MEF2C: variants seen among roughly 807,000 people sequenced by gnomAD.
The protein encoded by MEF2C is myocyte-specific enhancer factor 2C.
A neutral mutation model predicts 50.5 loss-of-function variants in MEF2C; 6 were observed. The observed-to-expected ratio is 0.12, with a 90% CI of 0.07 to 0.23. MEF2C has a LOEUF of 0.23. Among genes scored for constraint, MEF2C ranks in the 10% least tolerant of loss-of-function variants. The pLI, the probability that MEF2C is intolerant of heterozygous loss-of-function variation, is 1.00. For missense variants in MEF2C, 276 were observed against 605.0 expected (o/e 0.46, Z 5.70); for synonymous variants, 183 against 228.0 (o/e 0.80, Z 1.78).
chr5:88,841,560 A>T (rs970683431), intron 1 of MEF2C, among the ~76,000 whole-genome samples: 6 of 151,706 alleles, frequency 4.0e-5, no homozygotes, highest in Non-Finnish European at 7.4e-5. Context: ...AAATGATCTT[A>T]GGCTTTAGTC....
chr5:88,875,508 A>G (rs1181830841), intron 1 of MEF2C, among the ~76,000 whole-genome samples: 1 of 151,914 alleles, frequency 6.6e-6, no homozygotes, highest in African/African-American at 2.4e-5. Context: ...TCGAAACAAA[A>G]AGTACAGATA....
upstream of MEF2C, chr5:88,887,384 T>C (rs146818822): frequency 5.9e-5 from 9 of 152,354 alleles, no homozygotes; most frequent in African/African-American, 2.2e-4. Flanking sequence ...GGTGGTCATT[T>C]AACTCTTTAT....
At position 88,735,139 on chromosome 5, in the gene MEF2C, G is replaced by A. The variant is rs186639702; in HGVS notation, c.638-3238C>T. 4,944 of 985,318 alleles carry A rather than the reference G, an allele frequency of 5.0e-3. 12 individuals carry two copies. The highest frequency in any genetic ancestry group is 5.6e-3 in the Non-Finnish European group (4,666 of 829,906). The allele number at this position is 985,318 out of a possible 1,614,324, so 61.0% of individuals were successfully genotyped here. On this transcript the variant is annotated intron_variant, in intron 6 of 10. Transcript: ENST00000504921. Reference sequence around the variant, plus strand: ...TTGAAAATCAATGATGAATACATGCGTGTGGTTTACTGCTAAGAAGAGCCT... The same window carrying A: ...TTGAAAATCAATGATGAATACATGCATGTGGTTTACTGCTAAGAAGAGCCT...
chr5:88,761,792 G>A, intron 3 of MEF2C: 2 of 163,036 alleles, frequency 1.2e-5, no homozygotes, highest in Non-Finnish European at 2.6e-5. Flanking sequence ...GGCATTAGTG[G>A]TGTCCTGTCC....
intron 1 of MEF2C, among the ~76,000 whole-genome samples, chr5:88,874,079 G>A (rs929724269): frequency 5.9e-5 from 9 of 151,760 alleles, no homozygotes; most frequent in African/African-American, 2.2e-4. Context: ...ATGAAAATCC[G>A]GTACCTTAAA....
chr5:88,815,312 C>T (rs1412336591), intron 2 of MEF2C, among the ~76,000 whole-genome samples: 1 of 152,046 alleles, frequency 6.6e-6, no homozygotes, highest in Non-Finnish European at 1.5e-5. Flanking sequence ...CCACAATAGC[C>T]TAGGTTTTAC....
chr5:88,817,594 A>C (rs1806095254), intron 2 of MEF2C, among the ~76,000 whole-genome samples: 2 of 151,966 alleles, frequency 1.3e-5, no homozygotes, highest in Non-Finnish European at 2.9e-5. Flanking sequence ...AATTGTCTTT[A>C]GTTTGTGCTC....
intron 3 of MEF2C, among the ~76,000 whole-genome samples, chr5:88,796,634 A>T (rs1796141222): frequency 6.6e-6 from 1 of 151,992 alleles, no homozygotes; most frequent in African/African-American, 2.4e-5. Context: ...TATCTCCTTC[A>T]GTTCGGCTCT....
At position 88,736,386 on chromosome 5, in the gene MEF2C, C is replaced by T. The variant is rs1250090722; in HGVS notation, c.638-4485G>A. 3.8e-5 allele frequency among the ~76,000 whole-genome samples: 2 copies of T among 52,882 alleles called. 1 individual carries two copies. The highest frequency in any genetic ancestry group is 1.0e-4 in the African/African-American group (2 of 19,692). The allele number at this position is 52,882 out of a possible 152,430, so 34.7% of individuals were successfully genotyped here. On this transcript the variant is annotated intron_variant, in intron 6 of 10. Transcript: ENST00000504921. ...GCGGGCGCCTGTAGTCCCAGCTACT[C>T]GGGAGGCTGAGGCAGGAGAATGGCG...
rs188222047 is a variant in MEF2C at position 88,762,504 on chromosome 5, G to A, written c.259-1176C>T. Reference sequence around the variant, plus strand: ...GTTGGTCTCAAATTCCTTGCCTCATGTGATCTGCCTGCCTCAGCCTCCCAA... The same window carrying A: ...GTTGGTCTCAAATTCCTTGCCTCATATGATCTGCCTGCCTCAGCCTCCCAA... On this transcript the variant is annotated intron_variant, in intron 3 of 10. Transcript: ENST00000504921. Among the ~76,000 whole-genome samples, 400 of 152,216 alleles carry A rather than the reference G, an allele frequency of 2.6e-3. 1 individual carries two copies. The highest frequency in any genetic ancestry group is 4.0e-3 in the Non-Finnish European group (269 of 68,016).
chr5:88,827,999 G>A (rs747780123), intron 1 of MEF2C, among the ~76,000 whole-genome samples: 19 of 150,970 alleles, frequency 1.3e-4, no homozygotes, highest in Non-Finnish European at 2.4e-4. Flanking sequence ...ATTCAAACTA[G>A]GAACCAAAGT....
chr5:88,743,042 T>G, intron 6 of MEF2C: 1 of 972,804 alleles, frequency 1.0e-6, no homozygotes, highest in Non-Finnish European at 1.2e-6. Context: ...GAATTCAGAA[T>G]TTTTAATTCA....
intron 1 of MEF2C, among the ~76,000 whole-genome samples, chr5:88,865,156 C>T (rs1056710140): frequency 1.5e-4 from 23 of 152,160 alleles, no homozygotes; most frequent in Admixed American, 4.6e-4. Flanking sequence ...CTCAGTGTCC[C>T]GAGTAGTTAG....
At chr5:88,870,875 T>G (rs1029065559) in intron 1 of MEF2C, among the ~76,000 whole-genome samples, 1 of 152,112 alleles carries the variant, frequency 6.6e-6, no homozygotes, top group Admixed American at 6.6e-5. Context: ...GGTAAGTTTT[T>G]GAATTATGTG....
chr5:88,736,586 G>A, intron 6 of MEF2C: 3 of 967,432 alleles, frequency 3.1e-6, no homozygotes, highest in Non-Finnish European at 3.7e-6. Flanking sequence ...TCTTCACCAG[G>A]CCTTAAGAGG....
chr5:88,838,519 G>C, intron 1 of MEF2C: 2 of 972,470 alleles, frequency 2.1e-6, no homozygotes, highest in Non-Finnish European at 2.4e-6. Flanking sequence ...TGGGTCAGGA[G>C]AGTCATTTTC....
At position 88,835,641 on chromosome 5, in the gene MEF2C, G is replaced by A. The variant is rs192911807; in HGVS notation, c.-142-11711C>T. ...AGCCTAGCCTACATGGTGAAATCCCGTCTCTACTAAAAATACAAAAAGTTA... is the reference window on the plus strand; with the variant it reads ...AGCCTAGCCTACATGGTGAAATCCCATCTCTACTAAAAATACAAAAAGTTA... On this transcript the variant is annotated intron_variant, in intron 1 of 10. Transcript: ENST00000504921. Among the ~76,000 whole-genome samples the A allele has an allele frequency of 4.0e-4, 60 of 151,800 alleles. No homozygotes were observed. In the Middle Eastern group the frequency reaches 0.01, roughly 26 times the overall value.
At chr5:88,784,625 T>G (rs920394979) in intron 3 of MEF2C, among the ~76,000 whole-genome samples, 1 of 152,188 alleles carries the variant, frequency 6.6e-6, no homozygotes, top group Non-Finnish European at 1.5e-5. Flanking sequence ...TTTTCCATAT[T>G]ACAGACTTTG....
At chr5:88,787,595 T>A (rs1193741765) in intron 3 of MEF2C, among the ~76,000 whole-genome samples, 1 of 152,180 alleles carries the variant, frequency 6.6e-6, no homozygotes, top group East Asian at 1.9e-4. Flanking sequence ...ATCCTAGAAG[T>A]AAAATTTGAA....
Sources: gnomAD v4.1 joint callset for allele counts (sites outside exome capture counted in the v4.1 genomes callset) on GRCh38, gnomAD v4.1.1 for gene constraint, MANE v1.5 for transcripts, NCBI Gene and HGNC (gene_info 2026-07-23, HGNC 2026-07-21) for gene names.